TMEM51: variants seen among roughly 807,000 people sequenced by gnomAD.
TMEM51 encodes chromosome 1 open reading frame 72.
Under a neutral mutation model 13.6 loss-of-function variants are expected in TMEM51, and 8 were observed. The observed-to-expected ratio is 0.59, with a 90% CI of 0.35 to 1.07. The LOEUF is 1.07. TMEM51 is among the 50% of genes least tolerant of loss of function. The pLI is 0.02. For synonymous variants in TMEM51, 147 were observed against 144.4 expected (o/e 1.02, Z -0.13); for missense variants, 279 against 330.7 (o/e 0.84, Z 1.21).
intron 1 of TMEM51, among the ~76,000 whole-genome samples, chr1:15,165,736 A>G (rs1642971806): frequency 6.6e-6 from 1 of 152,242 alleles, no homozygotes; most frequent in Non-Finnish European, 1.5e-5. Context: ...GGAATTGGTG[A>G]CATAAATTGC....
intron 3 of TMEM51, 29 bp downstream of exon 3, chr1:15,215,460 CG>C: frequency 3.2e-6 from 5 of 1,557,420 alleles, no homozygotes; most frequent in Non-Finnish European, 4.3e-6. Context: ...CTTCCCTCCC[CG>C]GATCGGGGAT....
chr1:15,171,846 G>C (rs1163847492), intron 1 of TMEM51, among the ~76,000 whole-genome samples: 1 of 152,126 alleles, frequency 6.6e-6, no homozygotes, highest in Non-Finnish European at 1.5e-5. Context: ...CTGGGGCTCT[G>C]CTGGGCGTTC....
intron 1 of TMEM51, chr1:15,168,475 A>C (rs1363482298): frequency 1.5e-6 from 2 of 1,299,704 alleles, no homozygotes; most frequent in Non-Finnish European, 2.0e-6. Flanking sequence ...CTCAGAATGT[A>C]TAAGTTCCAA....
intron 1 of TMEM51, among the ~76,000 whole-genome samples, chr1:15,200,045 G>A (rs369771951): frequency 8.5e-5 from 13 of 152,158 alleles, no homozygotes; most frequent in South Asian, 8.3e-4. Flanking sequence ...TGCGTCCCCC[G>A]CCAAATTCCT....
At position 15,215,523 on chromosome 1, in the gene TMEM51, T is replaced by G; in HGVS notation, c.344+92T>G. 3.3e-6 allele frequency: 4 copies of G among 1,200,702 alleles called. No homozygotes were observed. In the South Asian group the frequency reaches 6.4e-5, roughly 19 times the overall value. 74.4% of individuals were successfully genotyped at this position (1,200,702 alleles called of 1,614,324 possible). A position where few individuals can be genotyped will look rare whatever the true frequency, so the allele number is the denominator to read the frequency against. On this transcript the variant is annotated intron_variant, in intron 3 of 3. Transcript: ENST00000376008. ...TCACACCTTTCCGTGGTGAAAAGACTGTCATCTACAGGCTTTATTGTCCCA... is the reference window on the plus strand; with the variant it reads ...TCACACCTTTCCGTGGTGAAAAGACGGTCATCTACAGGCTTTATTGTCCCA...
Position 15,219,845 on chromosome 1 carries a change from C to T in TMEM51, c.*102C>T. ...CACAGTTGAGAAGCGGAGGGGCCAG[C>T]TGTGCATGGAGCCATTTGGATGGCG... On this transcript the variant is annotated 3_prime_UTR_variant, in exon 4 of 4. Coordinates refer to ENST00000376008, the MANE Select transcript of TMEM51 (RefSeq NM_001136218.2). 7.3e-7 allele frequency: 1 copy of T among 1,371,514 alleles called. No homozygotes were observed. Among genetic ancestry groups the T allele is most frequent in the African/African-American group, 1.4e-5 (1 of 69,214 alleles). The allele number at this position is 1,371,514 out of a possible 1,614,324, so 85.0% of individuals were successfully genotyped here.
intron 1 of TMEM51, among the ~76,000 whole-genome samples, chr1:15,168,034 G>C (rs531851056): frequency 1.3e-5 from 2 of 152,138 alleles, no homozygotes; most frequent in Non-Finnish European, 2.9e-5. Context: ...TTATACGAGC[G>C]TAGCCACCAT....
chr1:15,155,957 G>T (rs1642578353), intron 1 of TMEM51, among the ~76,000 whole-genome samples: 1 of 152,166 alleles, frequency 6.6e-6, no homozygotes, highest in Admixed American at 6.5e-5. Context: ...GGATCCTAGA[G>T]AAGACTCCTA....
chr1:15,206,988 C>G (rs1351756964), intron 1 of TMEM51, among the ~76,000 whole-genome samples: 4 of 152,208 alleles, frequency 2.6e-5, no homozygotes, highest in Non-Finnish European at 5.9e-5. Context: ...AGCAGGGGCT[C>G]AGCACCTTTT....
At chr1:15,175,009 T>G (rs1307152020) in intron 1 of TMEM51, among the ~76,000 whole-genome samples, 1 of 152,164 alleles carries the variant, frequency 6.6e-6, no homozygotes, top group Admixed American at 6.5e-5. Flanking sequence ...CTACCATCCT[T>G]TTGGTCGCTG....
chr1:15,173,488 T>C lies in TMEM51; in HGVS notation c.-267+19534T>C, dbSNP rs145796129. 5.8e-3 allele frequency among the ~76,000 whole-genome samples: 883 copies of C among 152,230 alleles called. 16 individuals carry two copies. Among genetic ancestry groups the C allele is most frequent in the Non-Finnish European group, 7.3e-3 (498 of 67,986 alleles). On this transcript the variant is annotated intron_variant, in intron 1 of 3. Transcript: ENST00000376008. ...CACCCACCTCAGCCTCCCAAAGTGC[T>C]GGGATTACAGGCGTGAGCTACTGCG...
At chr1:15,218,207 T>G (rs1644459155) in intron 3 of TMEM51, among the ~76,000 whole-genome samples, 1 of 152,248 alleles carries the variant, frequency 6.6e-6, no homozygotes, top group South Asian at 2.1e-4. Flanking sequence ...GAGGACCTGA[T>G]CTTTTTGAGT....
At chr1:15,205,965 G>A (rs779917208) in intron 1 of TMEM51, among the ~76,000 whole-genome samples, 1 of 152,206 alleles carries the variant, frequency 6.6e-6, no homozygotes, top group Non-Finnish European at 1.5e-5. Context: ...TTCAGGTCCA[G>A]TAGCTCATGC....
intron 1 of TMEM51, among the ~76,000 whole-genome samples, chr1:15,159,798 G>A (rs1043835074): frequency 3.3e-5 from 5 of 152,054 alleles, no homozygotes; most frequent in African/African-American, 9.7e-5. Context: ...CTCGTGATCC[G>A]CCTGCCTCGG....
In TMEM51 at chr1:15,214,956, A is replaced by C; in HGVS notation, c.-132A>C. ...CGATTGCTCGGAACCATCCCGCAGGAGTTCAGCTGATATTTTCTAGTGTGG... is the reference window on the plus strand; with the variant it reads ...CGATTGCTCGGAACCATCCCGCAGGCGTTCAGCTGATATTTTCTAGTGTGG... On this transcript the variant is annotated 5_prime_UTR_variant, in exon 3 of 4. Coordinates refer to ENST00000376008, the MANE Select transcript of TMEM51 (RefSeq NM_001136218.2). 5.8e-6 allele frequency: 5 copies of C among 856,270 alleles called. No individual in the cohort carries two copies. The highest frequency in any genetic ancestry group is 8.8e-6 in the Non-Finnish European group (5 of 567,708). The allele number at this position is 856,270 out of a possible 1,614,324, so 53.0% of individuals were successfully genotyped here.
chr1:15,193,529 A>C (rs1463010652), intron 1 of TMEM51, among the ~76,000 whole-genome samples: 1 of 151,248 alleles, frequency 6.6e-6, no homozygotes, highest in Non-Finnish European at 1.5e-5. Flanking sequence ...GACTCTCAGA[A>C]GTGGCTGGGG....
At chr1:15,191,054 T>G (rs1175448441) in intron 1 of TMEM51, among the ~76,000 whole-genome samples, 1 of 152,204 alleles carries the variant, frequency 6.6e-6, no homozygotes, top group Non-Finnish European at 1.5e-5. Context: ...CCCAAAGTGC[T>G]GGGATTACAG....
chr1:15,187,755 C>T (rs1246356835), intron 1 of TMEM51, among the ~76,000 whole-genome samples: 3 of 152,158 alleles, frequency 2.0e-5, no homozygotes, highest in Non-Finnish European at 2.9e-5. Flanking sequence ...CTTGCAGCCC[C>T]GGGACTCTGT....
intron 1 of TMEM51, among the ~76,000 whole-genome samples, chr1:15,209,420 G>C (rs1167674972): frequency 6.6e-6 from 1 of 152,098 alleles, no homozygotes; most frequent in African/African-American, 2.4e-5. Flanking sequence ...AATTTGTCCT[G>C]AATTTTAGTT....
Sources: gnomAD v4.1 joint callset for allele counts (sites outside exome capture counted in the v4.1 genomes callset) on GRCh38, gnomAD v4.1.1 for gene constraint, MANE v1.5 for transcripts, NCBI Gene and HGNC (gene_info 2026-07-23, HGNC 2026-07-21) for gene names.